GREB1L: variants seen among roughly 807,000 people sequenced by gnomAD.
GREB1L encodes the protein GREB1 like retinoic acid receptor coactivator.
In GREB1L, 17 loss-of-function variants were observed where a neutral mutation model predicts 200.8. The ratio of observed to expected loss-of-function variants is 0.08; its 90% CI spans 0.06 to 0.13. The LOEUF is 0.13. GREB1L is among the 10% of genes least tolerant of loss of function. The probability of loss-of-function intolerance (pLI) is 1.00; values close to 1 mark genes in which losing one functional copy is unlikely to be tolerated. For synonymous variants in GREB1L, 789 were observed against 893.0 expected, an observed-to-expected ratio of 0.88 and a Z score of 2.08; for missense variants, 1,657 against 2,367.7, an observed-to-expected ratio of 0.70 and a Z score of 6.23.
chr18:21,323,103 G>A (rs796926998), intron 1 of GREB1L, among the ~76,000 whole-genome samples: 2 of 152,160 alleles, frequency 1.3e-5, no homozygotes, highest in African/African-American at 4.8e-5. Context: ...TGGGCAACAA[G>A]GCAAGACCCC....
chr18:21,471,620 CTT>C (rs77038675), intron 15 of GREB1L, among the ~76,000 whole-genome samples: 79 of 142,376 alleles, frequency 5.5e-4, no homozygotes, highest in African/African-American at 2.1e-3. Context: ...TCTTTTGTTT[CTT>C]TTTTTTTTTT....
intron 1 of GREB1L, among the ~76,000 whole-genome samples, chr18:21,349,951 G>T (rs2039409252): frequency 6.6e-6 from 1 of 152,162 alleles, no homozygotes; most frequent in African/African-American, 2.4e-5. Flanking sequence ...TGCCAAAAAG[G>T]TTGGGGACTG....
chr18:21,485,670 C>T lies in GREB1L; in HGVS notation c.2607C>T (p.Ser869=). The T allele has an allele frequency of 4.5e-6, 7 of 1,551,478 alleles. No homozygotes were observed. The highest frequency in any genetic ancestry group is 4.4e-6 in the Non-Finnish European group (5 of 1,146,858). ...TGTACTTTGGCTTGAGTGAGTACAGCAAGTCTCTGCAGTGGGGGATCACGA... is the reference window on the plus strand; with the variant it reads ...TGTACTTTGGCTTGAGTGAGTACAGTAAGTCTCTGCAGTGGGGGATCACGA... ...EKLYFGLSEY[S]KSLQWGITSP... Residue 869 remains serine, a synonymous_variant, in exon 18 of 33, where the codon AGC becomes AGT. Coordinates refer to ENST00000424526, the MANE Select transcript of GREB1L (RefSeq NM_001142966.3).
chr18:21,301,849 C>T (rs1235417361), intron 1 of GREB1L, among the ~76,000 whole-genome samples: 1 of 152,126 alleles, frequency 6.6e-6, no homozygotes, highest in South Asian at 2.1e-4. Context: ...TGGTACAGGC[C>T]ATTGAAGCAT....
chr18:21,404,564 T>C (rs1278364443), intron 7 of GREB1L, among the ~76,000 whole-genome samples: 1 of 152,166 alleles, frequency 6.6e-6, no homozygotes, highest in African/African-American at 2.4e-5. Flanking sequence ...GAATGACTGA[T>C]CCTACTGAGC....
chr18:21,463,617 G>T (rs2035147233), intron 15 of GREB1L, among the ~76,000 whole-genome samples: 1 of 151,216 alleles, frequency 6.6e-6, no homozygotes, highest in African/African-American at 2.4e-5. Flanking sequence ...TCACTCTGTT[G>T]CCCAGGTTGG....
intron 1 of GREB1L, among the ~76,000 whole-genome samples, chr18:21,268,397 A>T (rs1190469790): frequency 5.3e-5 from 8 of 150,790 alleles, no homozygotes; most frequent in Non-Finnish European, 1.2e-4. Flanking sequence ...GGTGGGAATC[A>T]TAGTTCTTCT....
intron 1 of GREB1L, among the ~76,000 whole-genome samples, chr18:21,258,859 C>T (rs1307125389): frequency 6.6e-6 from 1 of 152,098 alleles, no homozygotes; most frequent in African/African-American, 2.4e-5. Flanking sequence ...AACAAATATC[C>T]TAGTTAATAA....
chr18:21,409,401 G>A (rs943499397), intron 7 of GREB1L, among the ~76,000 whole-genome samples: 1 of 152,160 alleles, frequency 6.6e-6, no homozygotes, highest in Admixed American at 6.6e-5. Context: ...AGAAAATGGG[G>A]TGTGAGCATT....
intron 7 of GREB1L, among the ~76,000 whole-genome samples, chr18:21,413,083 A>C (rs1031992011): frequency 6.6e-6 from 1 of 152,136 alleles, no homozygotes; most frequent in Admixed American, 6.5e-5. Flanking sequence ...AACTCTGTAA[A>C]TGTCCAACAC....
chr18:21,385,988 TA>T (rs1389927787), intron 4 of GREB1L, among the ~76,000 whole-genome samples: 1 of 152,180 alleles, frequency 6.6e-6, no homozygotes, highest in East Asian at 1.9e-4. Flanking sequence ...CAAGGTATAA[TA>T]AACTTAGTGA....
chr18:21,301,334 A>G (rs1299423699), intron 1 of GREB1L, among the ~76,000 whole-genome samples: 1 of 152,210 alleles, frequency 6.6e-6, no homozygotes, highest in African/African-American at 2.4e-5. Flanking sequence ...AAGGGAAGCT[A>G]GCCAAACTTT....
intron 7 of GREB1L, among the ~76,000 whole-genome samples, chr18:21,427,473 C>G (rs916212992): frequency 6.6e-6 from 1 of 151,184 alleles, no homozygotes; most frequent in African/African-American, 2.5e-5. Flanking sequence ...CCACTACACT[C>G]CAGCTTGGGC....
chr18:21,444,784 G>A (rs1447126679), intron 11 of GREB1L, among the ~76,000 whole-genome samples: 1 of 152,194 alleles, frequency 6.6e-6, no homozygotes, highest in Non-Finnish European at 1.5e-5. Context: ...CATCTGGAGT[G>A]CAAACACAGC....
chr18:21,334,550 G>C (rs1433484050), intron 1 of GREB1L, among the ~76,000 whole-genome samples: 1 of 152,080 alleles, frequency 6.6e-6, no homozygotes, highest in Non-Finnish European at 1.5e-5. Flanking sequence ...TTGATCACGA[G>C]GTCAGGAGAT....
Position 21,524,315 on chromosome 18 carries a change from G to A in GREB1L, c.*1494G>A, listed in dbSNP as rs1389647146. 2 of 152,126 alleles carry A rather than the reference G, an allele frequency of 1.3e-5. No homozygotes were observed. Among genetic ancestry groups the A allele is most frequent in the Non-Finnish European group, 2.9e-5 (2 of 68,010 alleles). The allele number at this position is 152,126 out of a possible 1,614,324, so 9.4% of individuals were successfully genotyped here. A position where few individuals can be genotyped will look rare whatever the true frequency, so the allele number is the denominator to read the frequency against. On this transcript the variant is annotated 3_prime_UTR_variant, in exon 33 of 33. Transcript: ENST00000424526. ...AAATGGAATGTATTAGACTAAAAATGGTTTGCAGATCTCTTGGTTTTAATA... is the reference window on the plus strand; with the variant it reads ...AAATGGAATGTATTAGACTAAAAATAGTTTGCAGATCTCTTGGTTTTAATA...
chr18:21,310,558 A>C (rs540036926), intron 1 of GREB1L, among the ~76,000 whole-genome samples: 1 of 152,340 alleles, frequency 6.6e-6, no homozygotes, highest in African/African-American at 2.4e-5. Flanking sequence ...ACTCTTCTGT[A>C]TACTCATGAG....
intron 23 of GREB1L, among the ~76,000 whole-genome samples, chr18:21,502,623 G>A (rs527706129): frequency 1.3e-5 from 2 of 152,212 alleles, no homozygotes; most frequent in East Asian, 3.9e-4. Context: ...ACACACACAC[G>A]AATTCATCTT....
At chr18:21,392,293 A>G (rs118056931) in intron 4 of GREB1L, among the ~76,000 whole-genome samples, 12 of 152,102 alleles carry the variant, frequency 7.9e-5, no homozygotes, top group African/African-American at 2.7e-4. Flanking sequence ...ATCATCATCA[A>G]TTCCCAACTT....
Sources: gnomAD v4.1 joint callset for allele counts (sites outside exome capture counted in the v4.1 genomes callset) on GRCh38, gnomAD v4.1.1 for gene constraint, MANE v1.5 for transcripts, NCBI Gene and HGNC (gene_info 2026-07-23, HGNC 2026-07-21) for gene names.